COL28A1: variants seen among roughly 807,000 people sequenced by gnomAD.
COL28A1 encodes collagen type XXVIII alpha 1 chain.
COL28A1 carries 161 observed loss-of-function variants against 150.2 expected under a neutral mutation model. The ratio of observed to expected loss-of-function variants is 1.07; its 90% confidence interval spans 0.94 to 1.22. The LOEUF (loss-of-function observed/expected upper bound fraction) is 1.22, where lower values mean the gene tolerates loss of function less well. Ranked by LOEUF, COL28A1 falls within the 50% of genes most tolerant of loss-of-function variation. The pLI is 0.00. For synonymous variants in COL28A1, 552 were observed against 469.7 expected, an observed-to-expected ratio of 1.18 and a Z score of -2.26; for missense variants, 1,617 against 1,388.3, an observed-to-expected ratio of 1.16 and a Z score of -2.62.
chr7:7,475,702 T>A (rs940396123), intron 14 of COL28A1, among the ~76,000 whole-genome samples: 4 of 152,202 alleles, frequency 2.6e-5, no homozygotes, highest in Non-Finnish European at 4.4e-5. Context: ...ATAATTCTAT[T>A]TGAATTTTTC....
chr7:7,372,487 A>G (rs902245361), intron 32 of COL28A1, among the ~76,000 whole-genome samples: 2 of 152,154 alleles, frequency 1.3e-5, no homozygotes, highest in African/African-American at 4.8e-5. Context: ...CTGTTTATTC[A>G]TCATTATCTG....
chr7:7,515,808 A>G lies in COL28A1; in HGVS notation c.882+6T>C, dbSNP rs1283497834. On this transcript the variant is annotated splice_donor_region_variant and intron_variant, in intron 8 of 34. Coordinates refer to ENST00000399429, the MANE Select transcript of COL28A1 (RefSeq NM_001037763.3). Reference sequence around the variant, plus strand: ...CTGGTCAATCTATTTGTTGTTACCAACTTACCTTGTCACCCTTGTACCCAG... The same window carrying G: ...CTGGTCAATCTATTTGTTGTTACCAGCTTACCTTGTCACCCTTGTACCCAG... 3.8e-6 allele frequency: 4 copies of G among 1,047,284 alleles called. No homozygotes were observed. Among genetic ancestry groups the G allele is most frequent in the African/African-American group, 3.1e-5 (2 of 64,286 alleles). The allele number at this position is 1,047,284 out of a possible 1,614,324, so 64.9% of individuals were successfully genotyped here.
chr7:7,529,908 G>A (rs1021605421), intron 3 of COL28A1, among the ~76,000 whole-genome samples: 1 of 152,086 alleles, frequency 6.6e-6, no homozygotes, highest in South Asian at 2.1e-4. Context: ...CAAAAGAGCT[G>A]CTCAGAATGA....
rs1189355697 is a variant in COL28A1 at position 7,373,354 on chromosome 7, T to C, written c.2552A>G (p.Asn851Ser). Residue 851 changes from asparagine to serine, a missense_variant, in exon 32 of 35, where the codon AAT becomes AGT. Transcript: ENST00000399429. The surrounding 1 kb of genome is among the most constrained non-coding windows in gnomAD (Gnocchi z 4.1). ...NYSHKVEKVA[N>S]LKQFSSKDDF... ...ATCCTTGCTGGAGAACTGCTTCAAA[T>C]TAGCCACCTTCTCCACCTTATGGCT... is the stretch of plus-strand genomic sequence containing the variant. 1 of 1,614,076 alleles carries C rather than the reference T, an allele frequency of 6.2e-7. No homozygotes were observed. Among genetic ancestry groups the C allele is most frequent in the Non-Finnish European group, 8.5e-7 (1 of 1,180,034 alleles).
chr7:7,424,580 G>A (rs755964716), intron 25 of COL28A1, among the ~76,000 whole-genome samples: 7 of 152,158 alleles, frequency 4.6e-5, no homozygotes, highest in Non-Finnish European at 7.3e-5. Context: ...GGTTGTTGGA[G>A]CCTGCAGAGG....
chr7:7,435,771 G>T (rs1027942870), intron 23 of COL28A1, among the ~76,000 whole-genome samples: 15 of 152,258 alleles, frequency 9.9e-5, no homozygotes, highest in African/African-American at 3.6e-4. Flanking sequence ...TCAAAGCTAC[G>T]TAACAACATG....
chr7:7,398,931 G>C (rs1292682290), intron 27 of COL28A1, among the ~76,000 whole-genome samples: 1 of 152,228 alleles, frequency 6.6e-6, no homozygotes, highest in East Asian at 1.9e-4. Flanking sequence ...GTATCCTCGA[G>C]GTAGGTTTCT....
At chr7:7,411,942 C>T (rs1018425686) in intron 27 of COL28A1, among the ~76,000 whole-genome samples, 10 of 152,162 alleles carry the variant, frequency 6.6e-5, no homozygotes, top group African/African-American at 2.2e-4. Context: ...CTGTTCTCTT[C>T]TGGAGGCACC....
intron 6 of COL28A1, among the ~76,000 whole-genome samples, chr7:7,518,158 G>T (rs1441903802): frequency 1.3e-5 from 2 of 152,220 alleles, no homozygotes; most frequent in Middle Eastern, 3.4e-3. Context: ...CAGTCACTCT[G>T]GCTTTTCTCT....
At chr7:7,442,346 T>C (rs1330954533) in intron 20 of COL28A1, among the ~76,000 whole-genome samples, 1 of 152,214 alleles carries the variant, frequency 6.6e-6, no homozygotes, top group African/African-American at 2.4e-5. Context: ...CTCTCTTCCT[T>C]AGAGACATTG....
intron 33 of COL28A1, among the ~76,000 whole-genome samples, chr7:7,363,616 A>G (rs1339781947): frequency 6.6e-6 from 1 of 152,152 alleles, no homozygotes; most frequent in East Asian, 1.9e-4. Flanking sequence ...TCCTAAAGAT[A>G]GTCATTGTTG....
chr7:7,420,063 T>A (rs1034472297), intron 25 of COL28A1, 110 bp from the exon 26 acceptor site: 3 of 555,740 alleles, frequency 5.4e-6, no homozygotes, highest in Non-Finnish European at 8.9e-6. Context: ...AAGGTATTAA[T>A]TGAACCCTCT....
chr7:7,373,520 G>T lies in COL28A1; in HGVS notation c.2386C>A (p.Pro796Thr). The T allele has an allele frequency of 6.2e-7, 1 of 1,612,422 alleles. No individual in the cohort carries two copies. Residue 796 changes from proline (P) to threonine (T), a missense_variant, in exon 32 of 35, where the codon CCA (proline) becomes ACA (threonine). Pro to Thr is a conservative substitution (Grantham distance 38). Transcript: ENST00000399429. The surrounding 1 kb of genome is among the most constrained non-coding windows in gnomAD (Gnocchi z 4.1). Reference protein sequence around the residue: ...CGCGPKCKETPLELVFVIDSS... With the variant: ...CGCGPKCKETTLELVFVIDSS... ...TCGATCACAAACACCAGCTCTAGTG[G>T]AGTCTCTTTGCATTTGGGCCCACAA...
chr7:7,372,119 G>T (rs1445814782), intron 32 of COL28A1, among the ~76,000 whole-genome samples: 2 of 152,120 alleles, frequency 1.3e-5, no homozygotes, highest in Non-Finnish European at 2.9e-5. Context: ...TTGTTCTTTG[G>T]CTGGGCACGG....
chr7:7,509,317 C>T (rs141532852), intron 9 of COL28A1, among the ~76,000 whole-genome samples: 2,279 of 152,068 alleles, frequency 0.015, 44 homozygotes, highest in African/African-American at 0.052. Context: ...GAGACGGGGC[C>T]TCACTATGTT....
chr7:7,414,901 G>A (rs776506700), intron 27 of COL28A1, among the ~76,000 whole-genome samples: 4 of 152,164 alleles, frequency 2.6e-5, no homozygotes, highest in Non-Finnish European at 5.9e-5. Context: ...ATACTCTCCA[G>A]AACTCAAAGT....
At chr7:7,354,156 C>A (rs1028366736), downstream of COL28A1, among the ~76,000 whole-genome samples, 1 of 151,892 alleles carries the variant, frequency 6.6e-6, no homozygotes, top group African/African-American at 2.4e-5. Flanking sequence ...TGATGTATGG[C>A]TAATTTTTTA....
chr7:7,531,976 T>C, intron 2 of COL28A1, 72 bp from the exon 3 acceptor site: 1 of 861,852 alleles, frequency 1.2e-6, no homozygotes, highest in South Asian at 1.6e-5. Context: ...CGGAAAGCCC[T>C]GAAGTGGTGT....
At chr7:7,532,170 C>A (rs1222818625) in intron 2 of COL28A1, among the ~76,000 whole-genome samples, 2 of 152,052 alleles carry the variant, frequency 1.3e-5, no homozygotes, top group African/African-American at 4.8e-5. Context: ...GTTAAACCTG[C>A]TGAAAGTGGG....
Sources: allele counts gnomAD v4.1 joint callset (sites outside exome capture counted in the v4.1 genomes callset), GRCh38; gene constraint gnomAD v4.1.1; non-coding constraint Gnocchi (gnomAD v3.1); transcripts MANE v1.5; gene names NCBI Gene and HGNC (gene_info 2026-07-23, HGNC 2026-07-21).